PEAK1: variants seen among roughly 807,000 people sequenced by gnomAD.
The protein encoded by PEAK1 is pseudopodium enriched atypical kinase 1, also known as inactive tyrosine-protein kinase PEAK1.
Under a neutral mutation model 124.7 loss-of-function variants are expected in PEAK1, and 54 were observed. The observed-to-expected ratio is 0.43, with a 90% CI of 0.35 to 0.54. The LOEUF is 0.54. PEAK1 is among the 20% of genes least tolerant of loss of function. PEAK1 has a pLI of 0.01. For missense variants in PEAK1, 2,046 were observed against 2,134.5 expected, an observed-to-expected ratio of 0.96 and a Z score of 0.82; for synonymous variants, 719 against 760.0, an observed-to-expected ratio of 0.95 and a Z score of 0.89.
At chr15:77,168,445 G>A (rs546098423) in intron 7 of PEAK1, among the ~76,000 whole-genome samples, 13 of 152,298 alleles carry the variant, frequency 8.5e-5, no homozygotes, top group Non-Finnish European at 1.3e-4. Flanking sequence ...TTTGTGGGCC[G>A]TGTGGTCTCC....
Position 77,111,864 on chromosome 15 carries a change from T to G in PEAK1, c.*2292A>C, listed in dbSNP as rs775044679. 2 of 152,270 alleles carry G rather than the reference T, an allele frequency of 1.3e-5. No individual in the cohort carries two copies. The allele number at this position is 152,270 out of a possible 1,614,324, so 9.4% of individuals were successfully genotyped here. ...CCACGAACATGACATTGAGAAGGTA[T>G]ATCTCAATATGCAAGACATTGCAAG... is the stretch of plus-strand genomic sequence containing the variant. On this transcript the variant is annotated 3_prime_UTR_variant, in exon 10 of 10. Transcript: ENST00000682557.
chr15:77,250,734 A>G (rs1438413094), intron 6 of PEAK1, among the ~76,000 whole-genome samples: 1 of 150,878 alleles, frequency 6.6e-6, no homozygotes, highest in Non-Finnish European at 1.5e-5. Context: ...CACCTGGCCT[A>G]ATTTTTATAT....
At chr15:77,295,223 T>C (rs1384857827) in intron 2 of PEAK1, among the ~76,000 whole-genome samples, 1 of 152,122 alleles carries the variant, frequency 6.6e-6, no homozygotes, top group African/African-American at 2.4e-5. Context: ...AATGATAACA[T>C]GATGGCCTGT....
Position 77,250,222 on chromosome 15 carries a change from C to CATATATAT in PEAK1, c.-115+2144_-115+2145insATATATAT, listed in dbSNP as rs1264787765. On this transcript the variant is annotated intron_variant, in intron 6 of 9. Transcript: ENST00000682557. ...ATATACATATATATGTATATATATA[C>CATATATAT]ACATATATATGTATATGTATATATA... 5.7e-3 allele frequency among the ~76,000 whole-genome samples: 586 copies of CATATATAT among 103,504 alleles called. 2 individuals are homozygous for CATATATAT. Among genetic ancestry groups the CATATATAT allele is most frequent in the African/African-American group, 0.019 (485 of 25,560 alleles). 67.9% of individuals were successfully genotyped at this position (103,504 alleles called of 152,430 possible).
At chr15:77,210,318 G>C (rs2058846724) in intron 6 of PEAK1, among the ~76,000 whole-genome samples, 1 of 152,162 alleles carries the variant, frequency 6.6e-6, no homozygotes, top group Admixed American at 6.5e-5. Flanking sequence ...TGTTCTTGCA[G>C]ATCATAAAGT....
intron 6 of PEAK1, among the ~76,000 whole-genome samples, chr15:77,229,835 C>T (rs556761876): frequency 8.6e-5 from 13 of 151,942 alleles, no homozygotes; most frequent in East Asian, 3.9e-4. Context: ...TTAGTAGAGA[C>T]GGGGTTTCAC....
At chr15:77,189,917 T>G (rs1281057049) in intron 6 of PEAK1, among the ~76,000 whole-genome samples, 2 of 152,018 alleles carry the variant, frequency 1.3e-5, no homozygotes, top group Admixed American at 6.6e-5. Context: ...AGAAAGAGAC[T>G]AAATAAGGGC....
chr15:77,278,713 T>C, intron 5 of PEAK1: 1 of 512,964 alleles, frequency 1.9e-6, no homozygotes, highest in East Asian at 5.3e-5. Flanking sequence ...CACAGAAAGG[T>C]GAGGGTGCTG....
chr15:77,150,039 C>T (rs929068373), intron 8 of PEAK1, among the ~76,000 whole-genome samples: 5 of 152,056 alleles, frequency 3.3e-5, no homozygotes, highest in African/African-American at 9.7e-5. Flanking sequence ...CATGAGCCAC[C>T]GTGCCTGGCA....
intron 1 of PEAK1, among the ~76,000 whole-genome samples, chr15:77,375,737 T>C (rs901449857): frequency 7.2e-5 from 11 of 152,190 alleles, no homozygotes; most frequent in African/African-American, 2.7e-4. Flanking sequence ...GGCTCACGCC[T>C]GTAATCCCAG....
chr15:77,141,207 C>T (rs1193029027), intron 8 of PEAK1, among the ~76,000 whole-genome samples: 1 of 152,070 alleles, frequency 6.6e-6, no homozygotes, highest in African/African-American at 2.4e-5. Context: ...TTACAGGATA[C>T]AAGATCAACA....
At chr15:77,369,578 C>T (rs915291350) in intron 1 of PEAK1, among the ~76,000 whole-genome samples, 2 of 151,966 alleles carry the variant, frequency 1.3e-5, no homozygotes, top group Non-Finnish European at 2.9e-5. Context: ...ATTTAAAGGG[C>T]CATAAACAAA....
At chr15:77,127,620 G>T (rs1210864246) in intron 9 of PEAK1, among the ~76,000 whole-genome samples, 3 of 152,224 alleles carry the variant, frequency 2.0e-5, no homozygotes, top group African/African-American at 7.2e-5. Flanking sequence ...GACAAAACTT[G>T]CAAGAGATGC....
At chr15:77,271,860 A>G (rs989502444) in intron 5 of PEAK1, among the ~76,000 whole-genome samples, 1 of 152,128 alleles carries the variant, frequency 6.6e-6, no homozygotes, top group Non-Finnish European at 1.5e-5. Context: ...CAGCACACCA[A>G]CACGGCACAT....
intron 5 of PEAK1, among the ~76,000 whole-genome samples, chr15:77,270,971 A>T (rs2061999977): frequency 6.6e-6 from 1 of 152,194 alleles, no homozygotes; most frequent in African/African-American, 2.4e-5. Context: ...GGCAAAAGAA[A>T]CTACCATCAG....
chr15:77,161,167 T>A (rs535182273), intron 7 of PEAK1, among the ~76,000 whole-genome samples: 1 of 152,338 alleles, frequency 6.6e-6, no homozygotes, highest in East Asian at 1.9e-4. Context: ...TCACAGGGCC[T>A]TCTCGAGTCT....
intron 2 of PEAK1, among the ~76,000 whole-genome samples, chr15:77,304,206 G>A (rs149358231): frequency 6.4e-4 from 98 of 152,214 alleles, no homozygotes; most frequent in Non-Finnish European, 1.1e-3. Context: ...GTTTGTTGAC[G>A]TCTACAAAAT....
chr15:77,155,693 C>T (rs1026475034), intron 8 of PEAK1: 14 of 152,240 alleles, frequency 9.2e-5, no homozygotes, highest in African/African-American at 3.4e-4. Context: ...TGTTGGTTTT[C>T]CTTCTAACAG....
chr15:77,133,850 G>C lies in PEAK1; in HGVS notation c.3332-100C>G. 1 of 1,277,376 alleles carries C rather than the reference G, an allele frequency of 7.8e-7. No individual in the cohort carries two copies. Among genetic ancestry groups the C allele is most frequent in the Non-Finnish European group, 1.0e-6 (1 of 954,854 alleles). 79.1% of individuals were successfully genotyped at this position (1,277,376 alleles called of 1,614,324 possible). A position where few individuals can be genotyped will look rare whatever the true frequency, so the allele number is the denominator to read the frequency against. On this transcript the variant is annotated intron_variant, in intron 8 of 9. Transcript: ENST00000682557. The surrounding 1 kb of genome is among the most constrained non-coding windows in gnomAD (Gnocchi z 4.2). ...GCAGAAATGAGTGAGGTAGCCATGG[G>C]AATGTAAGAATAAGTCAACTCTTTA...
Sources: allele counts gnomAD v4.1 joint callset (sites outside exome capture counted in the v4.1 genomes callset), GRCh38; gene constraint gnomAD v4.1.1; non-coding constraint Gnocchi (gnomAD v3.1); transcripts MANE v1.5; gene names NCBI Gene and HGNC (gene_info 2026-07-23, HGNC 2026-07-21).